Variants in ITGAV observed in about 807,000 individuals in gnomAD.
ITGAV encodes integrin alpha-V.
In ITGAV, 76 loss-of-function variants were observed where a neutral mutation model predicts 143.8. The observed-to-expected ratio is 0.53, with a 90% CI of 0.44 to 0.64. The LOEUF is 0.64. Ranked by LOEUF, ITGAV falls within the 30% of genes least tolerant of loss-of-function variation. The probability of loss-of-function intolerance (pLI) is 0.00; values close to 1 mark genes in which losing one functional copy is unlikely to be tolerated. For synonymous variants in ITGAV, 453 were observed against 446.7 expected (o/e 1.01, Z -0.18); for missense variants, 1,193 against 1,274.7 (o/e 0.94, Z 0.98).
intron 1 of ITGAV, chr2:186,600,143 C>T: frequency 3.8e-6 from 2 of 523,340 alleles, no homozygotes; most frequent in South Asian, 3.3e-5. Flanking sequence ...TTAGTTATTG[C>T]CAGGCTCCTT....
chr2:186,676,207 G>T (rs1459745711), intron 28 of ITGAV: 3 of 263,308 alleles, frequency 1.1e-5, no homozygotes, highest in Non-Finnish European at 2.1e-5. Flanking sequence ...CGTTTACAAA[G>T]TTAGAAAGTT....
rs571477168 is a variant in ITGAV, at chr2:186,679,698, T to C, written c.*2406T>C. 6.6e-6 allele frequency: 1 copy of C among 152,142 alleles called. No individual in the cohort carries two copies. The highest frequency in any genetic ancestry group is 2.4e-5 in the African/African-American group (1 of 41,570). The allele number at this position is 152,142 out of a possible 1,614,324, so 9.4% of individuals were successfully genotyped here. Reference sequence around the variant, plus strand: ...AAACATTTGACATTGGTAAGAAATATTGATACTGATATTGATTTTTATATA... The same window carrying C: ...AAACATTTGACATTGGTAAGAAATACTGATACTGATATTGATTTTTATATA... On this transcript the variant is annotated 3_prime_UTR_variant, in exon 30 of 30. Transcript: ENST00000261023.
At chr2:186,660,244 A>C (rs1429363406) in intron 18 of ITGAV, among the ~76,000 whole-genome samples, 1 of 152,148 alleles carries the variant, frequency 6.6e-6, no homozygotes, top group Non-Finnish European at 1.5e-5. Flanking sequence ...CTTTAATGCC[A>C]ATACCATGTT....
chr2:186,606,904 T>G (rs1044793961), intron 2 of ITGAV, among the ~76,000 whole-genome samples: 7 of 152,116 alleles, frequency 4.6e-5, no homozygotes, highest in African/African-American at 1.7e-4. Flanking sequence ...CTTTTTGGAC[T>G]GCTCTTTTAC....
chr2:186,622,985 A>C (rs1687575993), intron 3 of ITGAV, among the ~76,000 whole-genome samples: 1 of 152,040 alleles, frequency 6.6e-6, no homozygotes, highest in Non-Finnish European at 1.5e-5. Context: ...GCTGGTCTCT[A>C]ACTCCTGACC....
At position 186,677,290 on chromosome 2, in the gene ITGAV, T is replaced by G. The variant is rs764131613; in HGVS notation, c.3145T>G (p.Ter1049GluextTer10). ...HENGEGNSET* is the reference protein window; with the variant it reads ...HENGEGNSETE ...AAATGGTGAAGGAAACTCAGAAACTTAACTGCAGTTTTTAAGTTATGCTAC... is the reference window on the plus strand; with the variant it reads ...AAATGGTGAAGGAAACTCAGAAACTGAACTGCAGTTTTTAAGTTATGCTAC... The change falls in exon 30 of 30, where the codon TAA (stop) becomes GAA (glutamate). Residue 1049 changes from the stop codon to glutamate (E), a stop_lost. Coordinates refer to ENST00000261023, the MANE Select transcript of ITGAV (RefSeq NM_002210.5). The G allele has an allele frequency of 9.3e-6, 15 of 1,608,398 alleles. No individual in the cohort carries two copies. In the South Asian group the frequency reaches 1.4e-4, roughly 15 times the overall value.
Position 186,622,407 on chromosome 2 carries a change from A to T in ITGAV, c.385A>T (p.Arg129Trp), listed in dbSNP as rs1275146534. Residue 129 changes from arginine (R) to tryptophan (W), a missense_variant, in exon 3 of 30, where the codon AGG (arginine) becomes TGG (tryptophan). By Grantham distance (101) the Arg-to-Trp change is moderately radical. Coordinates refer to ENST00000261023, the MANE Select transcript of ITGAV (RefSeq NM_002210.5). ...KSHQWFGASV[R>W]SKQDKILACA... ...CCATCAGTGGTTTGGAGCATCTGTG[A>T]GGTCGAAACAGGATAAAATTTTGGT... The T allele has an allele frequency of 6.2e-7, 1 of 1,612,702 alleles. No homozygotes were observed. The highest frequency in any genetic ancestry group is 1.1e-5 in the South Asian group (1 of 91,040).
At chr2:186,612,480 A>T (rs927131635) in intron 2 of ITGAV, among the ~76,000 whole-genome samples, 2 of 151,474 alleles carry the variant, frequency 1.3e-5, no homozygotes, top group Non-Finnish European at 2.9e-5. Context: ...AGGTCAGATT[A>T]CTCTTCTTCC....
In ITGAV at chr2:186,676,198, G is replaced by A. The variant is rs146963596; in HGVS notation, c.2928+271G>A. On this transcript the variant is annotated intron_variant, in intron 28 of 29. Coordinates refer to ENST00000261023, the MANE Select transcript of ITGAV (RefSeq NM_002210.5). ...TATTGGAGAAATTTTAGGAATTTTC[G>A]TTTACAAAGTTAGAAAGTTGGAAAT... The A allele has an allele frequency of 2.7e-3, 737 of 270,702 alleles. 5 individuals are homozygous for A. Among genetic ancestry groups the A allele is most frequent in the African/African-American group, 0.012 (537 of 45,044 alleles). The allele number at this position is 270,702 out of a possible 1,614,324, so 16.8% of individuals were successfully genotyped here.
chr2:186,632,354 G>C (rs994652094), intron 5 of ITGAV, among the ~76,000 whole-genome samples: 1 of 152,138 alleles, frequency 6.6e-6, no homozygotes, highest in South Asian at 2.1e-4. Context: ...TGCTAAATTA[G>C]GTATTCACTT....
chr2:186,622,753 C>T (rs1187791485), intron 3 of ITGAV, among the ~76,000 whole-genome samples: 8 of 151,966 alleles, frequency 5.3e-5, no homozygotes, highest in African/African-American at 1.4e-4. Flanking sequence ...TACTTCCTCT[C>T]TCTCTCTCTC....
intron 2 of ITGAV, among the ~76,000 whole-genome samples, chr2:186,605,093 A>G (rs972797276): frequency 2.0e-5 from 3 of 152,222 alleles, no homozygotes; most frequent in African/African-American, 4.8e-5. Context: ...GATTGATCGT[A>G]TATCAGCACT....
At chr2:186,630,468 C>T (rs1240833400) in intron 4 of ITGAV, among the ~76,000 whole-genome samples, 1 of 151,656 alleles carries the variant, frequency 6.6e-6, no homozygotes, top group Non-Finnish European at 1.5e-5. Flanking sequence ...ATATTTTATA[C>T]ACACAATGGG....
At chr2:186,613,240 A>G (rs1427072310) in intron 2 of ITGAV, among the ~76,000 whole-genome samples, 1 of 152,008 alleles carries the variant, frequency 6.6e-6, no homozygotes, top group Non-Finnish European at 1.5e-5. Flanking sequence ...GCTAGAAGGA[A>G]ACAAACCAGC....
At position 186,678,842 on chromosome 2, in the gene ITGAV, G is replaced by A. The variant is rs201901402; in HGVS notation, c.*1550G>A. The A allele has an allele frequency of 9.6e-6, 4 of 417,048 alleles. No individual in the cohort carries two copies. The highest frequency in any genetic ancestry group is 1.8e-5 in the South Asian group (1 of 56,988). The allele number at this position is 417,048 out of a possible 1,614,324, so 25.8% of individuals were successfully genotyped here. On this transcript the variant is annotated 3_prime_UTR_variant, in exon 30 of 30. Transcript: ENST00000261023. ...TTTCCCTTAAATAATTGACTATTTT[G>A]CTGTGTTTTAAAAATGATTGAAATT...
intron 2 of ITGAV, among the ~76,000 whole-genome samples, chr2:186,608,331 G>T (rs1277172667): frequency 6.6e-6 from 1 of 152,164 alleles, no homozygotes; most frequent in Non-Finnish European, 1.5e-5. Flanking sequence ...GTCTGTAATT[G>T]TATGAAATAT....
At chr2:186,603,458 T>G (rs574681160) in intron 2 of ITGAV, among the ~76,000 whole-genome samples, 3 of 149,220 alleles carry the variant, frequency 2.0e-5, no homozygotes, top group Non-Finnish European at 3.0e-5. Context: ...GTTTTCAGGG[T>G]TTTTTTTTTC....
intron 1 of ITGAV, among the ~76,000 whole-genome samples, chr2:186,596,452 C>CT (rs368936394): frequency 0.019 from 2,656 of 136,324 alleles, 31 homozygotes; most frequent in Non-Finnish European, 0.03. Context: ...GTATGTGTTG[C>CT]TTTTTTTTTT....
At position 186,638,403 on chromosome 2, in the gene ITGAV, T is replaced by C; in HGVS notation, c.847-6T>C. The C allele has an allele frequency of 1.2e-6, 2 of 1,611,592 alleles. No homozygotes were observed. Among genetic ancestry groups the C allele is most frequent in the Non-Finnish European group, 1.7e-6 (2 of 1,178,006 alleles). Reference sequence around the variant, plus strand: ...GATTTCACATACTTCTATTTTTCCTTCACAGGTTTATATTTATGATGGGAA... The same window carrying C: ...GATTTCACATACTTCTATTTTTCCTCCACAGGTTTATATTTATGATGGGAA... On this transcript the variant is annotated splice_polypyrimidine_tract_variant and splice_region_variant and intron_variant, in intron 9 of 29. Transcript: ENST00000261023.
Sources: allele counts gnomAD v4.1 joint callset (sites outside exome capture counted in the v4.1 genomes callset), GRCh38; gene constraint gnomAD v4.1.1; transcripts MANE v1.5; gene names NCBI Gene and HGNC (gene_info 2026-07-23, HGNC 2026-07-21).